The following KALRN variants were observed in gnomAD, a reference collection of about 807,000 sequenced individuals.
The protein encoded by KALRN is kalirin.
Under a neutral mutation model 353.7 loss-of-function variants are expected in KALRN, and 70 were observed. The ratio of observed to expected loss-of-function variants is 0.20; its 90% CI spans 0.16 to 0.24. The LOEUF (loss-of-function observed/expected upper bound fraction) is 0.24, where lower values mean the gene tolerates loss of function less well. Ranked by LOEUF, KALRN falls within the 10% of genes least tolerant of loss-of-function variation. The probability of loss-of-function intolerance (pLI) is 1.00; values close to 1 mark genes in which losing one functional copy is unlikely to be tolerated. For synonymous variants in KALRN, 1,391 were observed against 1,434.8 expected (o/e 0.97, Z 0.69); for missense variants, 2,791 against 3,756.7 (o/e 0.74, Z 6.72).
chr3:124,584,753 C>T (rs2074963838), intron 34 of KALRN: 4 of 1,535,442 alleles, frequency 2.6e-6, no homozygotes, highest in Non-Finnish European at 3.5e-6. Context: ...CTGAAGTTTC[C>T]TTCCCGCCGC....
At position 124,719,180 on chromosome 3, in the gene KALRN, A is replaced by C; in HGVS notation, c.8671A>C (p.Asn2891His). The change falls in exon 60 of 60, where the codon AAC (asparagine) becomes CAC (histidine). Residue 2891 changes from asparagine (N) to histidine (H), a missense_variant. Physicochemically the swap from Asn to His is moderately conservative, Grantham distance 68. Transcript: ENST00000682506. This position sits in a 1 kb window ranked among gnomAD's most constrained non-coding sequence, Gnocchi z 5.3. ...TGAGAGCAAAGAGGAGACATGTATC[A>C]ACGTATGCAGGGTGGATTTCAGCTT... ...LDESKEETCI[N>H]VCRVDFSFPH... 6.2e-7 allele frequency: 1 copy of C among 1,614,248 alleles called. No homozygotes were observed. The highest frequency in any genetic ancestry group is 1.1e-5 in the South Asian group (1 of 91,092).
intron 9 of KALRN, among the ~76,000 whole-genome samples, chr3:124,341,698 C>G (rs2081737190): frequency 1.3e-5 from 2 of 152,176 alleles, no homozygotes; most frequent in African/African-American, 4.8e-5. Flanking sequence ...TAAGCAACTA[C>G]TCTGTGCTGA....
In KALRN at chr3:124,302,649, C is replaced by T. The variant is rs552267415; in HGVS notation, c.1092+3736C>T. 3.6e-4 allele frequency among the ~76,000 whole-genome samples: 55 copies of T among 152,272 alleles called. 1 individual carries two copies. Among genetic ancestry groups the T allele is most frequent in the African/African-American group, 1.3e-3 (55 of 41,558 alleles). On this transcript the variant is annotated intron_variant, in intron 6 of 59. Coordinates refer to ENST00000682506, the MANE Select transcript of KALRN (RefSeq NM_001388419.1). ...GACCATTACTGAGAGTATTAATTTG[C>T]TAGGGCTGCCATAACAATGTCATGG...
At chr3:124,454,219 G>T (rs556602989) in intron 21 of KALRN, among the ~76,000 whole-genome samples, 1 of 152,312 alleles carries the variant, frequency 6.6e-6, no homozygotes, top group African/African-American at 2.4e-5. Flanking sequence ...TTAGATCCTG[G>T]CATGTGCCAA....
At chr3:124,494,761 A>G (rs1326282372) in intron 32 of KALRN, among the ~76,000 whole-genome samples, 1 of 152,232 alleles carries the variant, frequency 6.6e-6, no homozygotes, top group African/African-American at 2.4e-5. Flanking sequence ...ACATTCACAC[A>G]TACACCAGAG....
At chr3:124,329,835 C>G (rs982683907) in intron 7 of KALRN, 26 bp from the exon 8 acceptor site, 17 of 1,607,438 alleles carry the variant, frequency 1.1e-5, no homozygotes, top group Non-Finnish European at 1.4e-5. Flanking sequence ...TGCTCCCCCA[C>G]TGATCCACCC....
chr3:124,609,514 A>G (rs1346441246), intron 34 of KALRN, among the ~76,000 whole-genome samples: 1 of 152,200 alleles, frequency 6.6e-6, no homozygotes, highest in Non-Finnish European at 1.5e-5. Flanking sequence ...TGCATCTGTG[A>G]CTGATGAGTA....
At chr3:124,518,386 C>A in intron 33 of KALRN, 2 of 1,610,770 alleles carry the variant, frequency 1.2e-6, no homozygotes, top group Non-Finnish European at 1.7e-6. Context: ...AGAGCCCGGC[C>A]CTTTTCTTAA....
intron 34 of KALRN, among the ~76,000 whole-genome samples, chr3:124,626,016 G>C (rs2079907400): frequency 6.6e-6 from 1 of 152,242 alleles, no homozygotes; most frequent in South Asian, 2.1e-4. Context: ...GGGAGGCAGA[G>C]GTTGCAGTGA....
chr3:124,126,354 C>T (rs373185137), intron 1 of KALRN, among the ~76,000 whole-genome samples: 8 of 152,100 alleles, frequency 5.3e-5, no homozygotes, highest in South Asian at 2.1e-4. Context: ...GTTTTCTCAG[C>T]GACTGTTGGT....
chr3:124,110,470 C>T (rs868297666), intron 1 of KALRN, among the ~76,000 whole-genome samples: 9 of 11,238 alleles, frequency 8.0e-4, no homozygotes, highest in Non-Finnish European at 2.2e-3. Context: ...CACACGCGCG[C>T]ACACACACAC....
intron 1 of KALRN, among the ~76,000 whole-genome samples, chr3:124,180,403 TC>T (rs1263688813): frequency 6.6e-6 from 1 of 150,832 alleles, no homozygotes; most frequent in African/African-American, 2.4e-5. Flanking sequence ...CCCCCAGCTT[TC>T]ATCAAGAAAG....
intron 1 of KALRN, among the ~76,000 whole-genome samples, chr3:124,138,700 C>T (rs185808233): frequency 6.6e-6 from 1 of 152,174 alleles, no homozygotes; most frequent in Non-Finnish European, 1.5e-5. Flanking sequence ...CTTCATAGAT[C>T]AGTCATCAGC....
chr3:124,093,575 G>T (rs1291187168), intron 1 of KALRN, among the ~76,000 whole-genome samples: 2 of 152,194 alleles, frequency 1.3e-5, no homozygotes, highest in African/African-American at 2.4e-5. Flanking sequence ...AGGGGCTGAG[G>T]TCTCTGCAGC....
At chr3:124,434,173 G>A in intron 16 of KALRN, 134 bp from the exon 17 acceptor site, 1 of 621,680 alleles carries the variant, frequency 1.6e-6, no homozygotes. Context: ...TGTATTAATG[G>A]TCATGACAAA....
chr3:124,429,573 G>T (rs2093179911), intron 15 of KALRN, among the ~76,000 whole-genome samples: 1 of 152,192 alleles, frequency 6.6e-6, no homozygotes, highest in Middle Eastern at 3.2e-3. Context: ...CTGGTGACCA[G>T]ACACCAGGTA....
At chr3:124,446,695 G>A (rs1056958454) in intron 20 of KALRN, 68 bp from the exon 21 acceptor site, 1 of 1,592,152 alleles carries the variant, frequency 6.3e-7, no homozygotes, top group African/African-American at 1.3e-5. Flanking sequence ...AACCTTCATT[G>A]TAGTATGGCA....
intron 5 of KALRN, 79 bp from the exon 6 acceptor site, chr3:124,298,712 C>A: frequency 1.3e-6 from 2 of 1,525,294 alleles, no homozygotes; most frequent in South Asian, 2.3e-5. Context: ...AGCTTTTTCC[C>A]CTTCCACTAG....
chr3:124,570,264 G>A (rs886857014), intron 34 of KALRN, among the ~76,000 whole-genome samples: 4 of 152,182 alleles, frequency 2.6e-5, no homozygotes, highest in African/African-American at 9.7e-5. Context: ...TTTCAGGTAC[G>A]AAGTGACATG....
Sources: gnomAD v4.1 joint callset for allele counts (sites outside exome capture counted in the v4.1 genomes callset) on GRCh38, gnomAD v4.1.1 for gene constraint, Gnocchi (gnomAD v3.1) non-coding constraint, MANE v1.5 for transcripts, NCBI Gene and HGNC (gene_info 2026-07-23, HGNC 2026-07-21) for gene names.